The following VPS4B variants were observed in gnomAD, a reference collection of about 807,000 sequenced individuals.
VPS4B encodes vacuolar protein sorting-associated protein 4B.
VPS4B carries 23 observed loss-of-function variants against 56.1 expected under a neutral mutation model. That is an observed-to-expected ratio of 0.41 (90% CI 0.30 to 0.58). The LOEUF (loss-of-function observed/expected upper bound fraction) is 0.58, where lower values mean the gene tolerates loss of function less well. VPS4B is among the 20% of genes least tolerant of loss of function. The pLI is 0.29. For missense variants in VPS4B, 372 were observed against 531.9 expected (o/e 0.70, Z 2.96); for synonymous variants, 177 against 186.0 (o/e 0.95, Z 0.39).
intron 4 of VPS4B, chr18:63,404,411 T>C (rs1915873654): frequency 6.6e-6 from 1 of 152,198 alleles, no homozygotes; most frequent in Non-Finnish European, 1.5e-5. Context: ...AAGATACCCC[T>C]GCAGATTTGC....
chr18:63,414,196 A>G (rs1359378429), intron 1 of VPS4B, among the ~76,000 whole-genome samples: 2 of 152,082 alleles, frequency 1.3e-5, no homozygotes, highest in African/African-American at 2.4e-5. Flanking sequence ...AGCCTGGCCA[A>G]TATAATGAAA....
chr18:63,418,285 T>C (rs1005360963), intron 1 of VPS4B, among the ~76,000 whole-genome samples: 2 of 152,212 alleles, frequency 1.3e-5, no homozygotes, highest in African/African-American at 2.4e-5. Context: ...ACAGCAATGC[T>C]TTCTGCCTCC....
chr18:63,414,262 T>A (rs1396373266), intron 1 of VPS4B, among the ~76,000 whole-genome samples: 2 of 149,722 alleles, frequency 1.3e-5, no homozygotes. Flanking sequence ...CCCAGCTACT[T>A]GGGAGGCTGA....
At chr18:63,420,533 C>G (rs1271163575) in intron 1 of VPS4B, among the ~76,000 whole-genome samples, 1 of 152,088 alleles carries the variant, frequency 6.6e-6, no homozygotes, top group East Asian at 1.9e-4. Context: ...AAATGAAAAG[C>G]TGGTGGAATA....
In VPS4B at chr18:63,415,633, C is replaced by T. The variant is rs538515998; in HGVS notation, c.28-4055G>A. 6.2e-5 allele frequency: 15 copies of T among 242,890 alleles called. No individual in the cohort carries two copies. In the East Asian group the frequency reaches 9.5e-4, roughly 15 times the overall value. The allele number at this position is 242,890 out of a possible 1,614,324, so 15.0% of individuals were successfully genotyped here. On this transcript the variant is annotated intron_variant, in intron 1 of 10. Coordinates refer to ENST00000238497, the MANE Select transcript of VPS4B (RefSeq NM_004869.4). ...ATGATAACCTTGATCTTCTTGGGGG[C>T]CTCAAAGCTGTCCAGTTGGTTGAGC...
intron 3 of VPS4B, among the ~76,000 whole-genome samples, 193 bp from the exon 4 acceptor site, chr18:63,407,692 T>C (rs1915948404): frequency 6.6e-6 from 1 of 152,192 alleles, no homozygotes; most frequent in South Asian, 2.1e-4. Flanking sequence ...TAGAGAATCA[T>C]GTAAAAGAAA....
intron 9 of VPS4B, among the ~76,000 whole-genome samples, chr18:63,395,365 G>C (rs528607459): frequency 1.3e-5 from 2 of 152,182 alleles, no homozygotes; most frequent in East Asian, 3.8e-4. Context: ...CATTCCCTAC[G>C]CATCTGAAGT....
In VPS4B at chr18:63,411,482, GA is replaced by G. The variant is rs1432215209; in HGVS notation, c.123del (p.Leu42PhefsTer31). On this transcript the variant is annotated frameshift_variant, in exon 2 of 11. Transcript: ENST00000238497. LOFTEE classifies it high-confidence loss of function. ...ATGGCCTCACATTTAACGACATGAA[GA>G]AAATACTGCACAGCATGCTGATAGA... Reference protein sequence around the residue: ...LQLYQHAVQYFLHVVKYEAQG... With the variant: ...LQLYQHAVQYXLHVVKYEAQG... 2 of 1,563,428 alleles carry G rather than the reference GA, an allele frequency of 1.3e-6. No homozygotes were observed. The highest frequency in any genetic ancestry group is 1.7e-6 in the Non-Finnish European group (2 of 1,154,758).
At chr18:63,416,428 C>T (rs1034863217) in intron 1 of VPS4B, 1 of 153,780 alleles carries the variant, frequency 6.5e-6, no homozygotes. Flanking sequence ...TGCCTGTCTT[C>T]CCCTCTTCCA....
intron 1 of VPS4B, among the ~76,000 whole-genome samples, chr18:63,412,092 T>TA (rs1015627942): frequency 3.3e-5 from 5 of 152,192 alleles, no homozygotes; most frequent in Non-Finnish European, 7.3e-5. Context: ...AGTAATTAAC[T>TA]AAAAGGTTTA....
intron 4 of VPS4B, among the ~76,000 whole-genome samples, chr18:63,407,063 T>G (rs570302449): frequency 5.9e-5 from 9 of 152,322 alleles, no homozygotes; most frequent in African/African-American, 1.9e-4. Flanking sequence ...AAAAGCCACG[T>G]GTAAGTCCTA....
chr18:63,411,825 T>C (rs914338726), intron 1 of VPS4B, among the ~76,000 whole-genome samples: 7 of 152,220 alleles, frequency 4.6e-5, no homozygotes, highest in Non-Finnish European at 8.8e-5. Flanking sequence ...TAAATGCTAC[T>C]GAATGTTACT....
In VPS4B at chr18:63,399,123, G is replaced by T; in HGVS notation, c.872+119C>A. 3 of 847,898 alleles carry T rather than the reference G, an allele frequency of 3.5e-6. No homozygotes were observed. The South Asian group carries it at 5.0e-5, about 14-fold the overall frequency. 52.5% of individuals were successfully genotyped at this position (847,898 alleles called of 1,614,324 possible). On this transcript the variant is annotated intron_variant, in intron 8 of 10. Coordinates refer to ENST00000238497, the MANE Select transcript of VPS4B (RefSeq NM_004869.4). The stretch of plus-strand genomic sequence containing the variant: ...TCAAGGCAGGGGAGCAACAGGGTTA[G>T]AGCACATTACAAATCTTTTGAAAAG...
At chr18:63,417,345 A>T (rs1402523294) in intron 1 of VPS4B, among the ~76,000 whole-genome samples, 2 of 152,058 alleles carry the variant, frequency 1.3e-5, no homozygotes, top group East Asian at 3.9e-4. Flanking sequence ...GCTCATATCA[A>T]GGCTCTCTAG....
intron 5 of VPS4B, among the ~76,000 whole-genome samples, chr18:63,402,490 C>A (rs374800338): frequency 2.6e-5 from 4 of 152,284 alleles, no homozygotes; most frequent in South Asian, 2.1e-4. Flanking sequence ...GGCATGCTTG[C>A]TTTGTGACAA....
intron 1 of VPS4B, among the ~76,000 whole-genome samples, chr18:63,418,436 G>A (rs1248431404): frequency 6.6e-6 from 1 of 151,320 alleles, no homozygotes; most frequent in Non-Finnish European, 1.5e-5. Flanking sequence ...TTTAGACAGG[G>A]TCTCACTGTG....
Position 63,399,238 on chromosome 18 carries a change from C to G in VPS4B, c.872+4G>C. 2 of 1,610,722 alleles carry G rather than the reference C, an allele frequency of 1.2e-6. No individual in the cohort carries two copies. On this transcript the variant is annotated splice_donor_region_variant and intron_variant, in intron 8 of 10. Transcript: ENST00000238497. Reference sequence around the variant, plus strand: ...GAAATAAGATATTTACTATATTATCCTACCTTCGCCTAATGGCAGAATCCA... The same window carrying G: ...GAAATAAGATATTTACTATATTATCGTACCTTCGCCTAATGGCAGAATCCA...
rs552680591 is a variant in VPS4B, at chr18:63,396,914, C to T, written c.1092+120G>A. 11 of 894,044 alleles carry T rather than the reference C, an allele frequency of 1.2e-5. No homozygotes were observed. In the Admixed American group the frequency reaches 1.5e-4, roughly 12 times the overall value. 55.4% of individuals were successfully genotyped at this position (894,044 alleles called of 1,614,324 possible). On this transcript the variant is annotated intron_variant, in intron 9 of 10. Transcript: ENST00000238497. ...CTAAGGCATGAGAATTGCTTGAACC[C>T]GGGAGGCGGAGGTTGCAGCAAGCCC...
chr18:63,415,402 A>G, intron 1 of VPS4B: 1 of 267,854 alleles, frequency 3.7e-6, no homozygotes, highest in Admixed American at 4.0e-5. Context: ...CTCCTGGGTG[A>G]CATGCACTCG....
Sources: gnomAD v4.1 joint callset for allele counts (sites outside exome capture counted in the v4.1 genomes callset) on GRCh38, gnomAD v4.1.1 for gene constraint, MANE v1.5 for transcripts, NCBI Gene and HGNC (gene_info 2026-07-23, HGNC 2026-07-21) for gene names.